Variants in MAP3K10 observed in about 807,000 individuals in gnomAD.
MAP3K10 encodes MKN28 derived nonreceptor_type serine/threonine kinase.
MAP3K10 carries 22 observed loss-of-function variants against 75.0 expected under a neutral mutation model. That is an observed-to-expected ratio of 0.29 (90% CI 0.21 to 0.42). The LOEUF (loss-of-function observed/expected upper bound fraction) is 0.42. Among genes scored for constraint, MAP3K10 ranks in the 10% least tolerant of loss-of-function variants. The pLI is 1.00. For missense variants in MAP3K10, 1,165 were observed against 1,379.8 expected, an observed-to-expected ratio of 0.84 and a Z score of 2.47; for synonymous variants, 599 against 612.9, an observed-to-expected ratio of 0.98 and a Z score of 0.34.
chr19:40,212,712 C>T lies in MAP3K10; in HGVS notation c.1553-93C>T, dbSNP rs144544839. On this transcript the variant is annotated intron_variant, in intron 6 of 9. Transcript: ENST00000253055. The surrounding 1 kb of genome is among the most constrained non-coding windows in gnomAD (Gnocchi z 4.2). ...TCAAAAGAGCCCTTGGACTCCCAGG[C>T]GGAGGGTGGGCCTGAGCTGGGGGCA... 52 of 1,494,944 alleles carry T rather than the reference C, an allele frequency of 3.5e-5. No individual in the cohort carries two copies. The East Asian group carries it at 1.1e-3, about 30-fold the overall frequency. 92.6% of individuals were successfully genotyped at this position (1,494,944 alleles called of 1,614,324 possible).
At chr19:40,206,867 G>A (rs572883743) in intron 5 of MAP3K10, among the ~76,000 whole-genome samples, 9 of 152,268 alleles carry the variant, frequency 5.9e-5, no homozygotes, top group South Asian at 2.1e-4. Context: ...GCCAAAGTGC[G>A]TAGATCACTT....
intron 1 of MAP3K10, among the ~76,000 whole-genome samples, chr19:40,193,645 T>A (rs1972855907): frequency 6.6e-6 from 1 of 152,170 alleles, no homozygotes. Flanking sequence ...GAGTGCTGTG[T>A]GCCAGACCCT....
chr19:40,203,164 A>G (rs1973056494), intron 2 of MAP3K10, among the ~76,000 whole-genome samples: 1 of 151,950 alleles, frequency 6.6e-6, no homozygotes, highest in Non-Finnish European at 1.5e-5. Flanking sequence ...ACATGGTGAA[A>G]CCCCATCTCT....
chr19:40,213,728 G>C lies in MAP3K10; in HGVS notation c.2049G>C (p.Gly683=). 9.3e-7 allele frequency: 1 copy of C among 1,080,982 alleles called. No homozygotes were observed. The highest frequency in any genetic ancestry group is 1.1e-6 in the Non-Finnish European group (1 of 890,374). The allele number at this position is 1,080,982 out of a possible 1,614,324, so 67.0% of individuals were successfully genotyped here. ...LALLGCATLL[G]AVGLGADVAE... is the part of the protein sequence containing the mutation. ...TGCTAGGCTGCGCCACGCTGCTGGG[G>C]GCTGTGGGCCTGGGCGCCGACGTGG... The change falls in exon 9 of 10, where the codon GGG becomes GGC. Residue 683 remains glycine (G), a synonymous_variant. Transcript: ENST00000253055. The surrounding 1 kb of genome is among the most constrained non-coding windows in gnomAD (Gnocchi z 5.7).
intron 5 of MAP3K10, chr19:40,206,431 C>T (rs1051912534): frequency 3.3e-6 from 1 of 304,674 alleles, no homozygotes; most frequent in Non-Finnish European, 6.0e-6. Context: ...TTTTAATTAG[C>T]TGGCCACGTT....
chr19:40,202,473 A>G (rs536793377), intron 2 of MAP3K10, among the ~76,000 whole-genome samples: 1 of 152,188 alleles, frequency 6.6e-6, no homozygotes, highest in African/African-American at 2.4e-5. Flanking sequence ...CTTGCCTGTC[A>G]GGCTGCCCTT....
intron 5 of MAP3K10, among the ~76,000 whole-genome samples, chr19:40,207,750 T>C (rs1973149762): frequency 6.6e-6 from 1 of 152,100 alleles, no homozygotes; most frequent in African/African-American, 2.4e-5. Context: ...AATATATATA[T>C]TTTTTAATTT....
chr19:40,213,760 C>G lies in MAP3K10; in HGVS notation c.2081C>G (p.Ala694Gly). The G allele has an allele frequency of 8.9e-7, 1 of 1,117,608 alleles. No individual in the cohort carries two copies. The highest frequency in any genetic ancestry group is 1.1e-6 in the Non-Finnish European group (1 of 912,786). The allele number at this position is 1,117,608 out of a possible 1,614,324, so 69.2% of individuals were successfully genotyped here. A position where few individuals can be genotyped will look rare whatever the true frequency, so the allele number is the denominator to read the frequency against. Residue 694 changes from alanine (A) to glycine (G), a missense_variant, in exon 9 of 10, where the codon GCG becomes GGG. Physicochemically the swap from Ala to Gly is moderately conservative, Grantham distance 60. Transcript: ENST00000253055. This position sits in a 1 kb window ranked among gnomAD's most constrained non-coding sequence, Gnocchi z 5.7. ...AVGLGADVAEARAADGEEQRR... is the reference protein window; with the variant it reads ...AVGLGADVAEGRAADGEEQRR... Reference sequence around the variant, plus strand: ...GGCCTGGGCGCCGACGTGGCCGAGGCGCGCGCGGCCGACGGTGAGGAGCAG... The same window carrying G: ...GGCCTGGGCGCCGACGTGGCCGAGGGGCGCGCGGCCGACGGTGAGGAGCAG...
chr19:40,195,580 G>A lies in MAP3K10; in HGVS notation c.683-2795G>A, dbSNP rs370350207. On this transcript the variant is annotated intron_variant, in intron 1 of 9. Transcript: ENST00000253055. ...GTGATCACAGCTCACTGAACCTTCC[G>A]CCTCCCGGGTTCAAGTGATCCTTCC... Among the ~76,000 whole-genome samples, 34 of 136,230 alleles carry A rather than the reference G, an allele frequency of 2.5e-4. No homozygotes were observed. In the South Asian group the frequency reaches 4.3e-3, roughly 17 times the overall value. 89.4% of individuals were successfully genotyped at this position (136,230 alleles called of 152,430 possible). A position where few individuals can be genotyped will look rare whatever the true frequency, so the allele number is the denominator to read the frequency against.
Position 40,205,031 on chromosome 19 carries a change from A to T in MAP3K10, c.1013-90A>T. 8.2e-7 allele frequency: 1 copy of T among 1,214,620 alleles called. No homozygotes were observed. The allele number at this position is 1,214,620 out of a possible 1,614,324, so 75.2% of individuals were successfully genotyped here. On this transcript the variant is annotated intron_variant, in intron 3 of 9. Coordinates refer to ENST00000253055, the MANE Select transcript of MAP3K10 (RefSeq NM_002446.4). This position sits in a 1 kb window ranked among gnomAD's most constrained non-coding sequence, Gnocchi z 4.3. ...AGCTGTTTGTCTGCCATCCCCAGAA[A>T]TTCTGCCTTCCTCTGAGCAGGCTGA...
rs982093185 is a variant in MAP3K10 at position 40,215,412 on chromosome 19, G to A, written c.*120G>A. 2.7e-5 allele frequency: 25 copies of A among 912,278 alleles called. No homozygotes were observed. The highest frequency in any genetic ancestry group is 5.3e-5 in the East Asian group (2 of 37,456). 56.5% of individuals were successfully genotyped at this position (912,278 alleles called of 1,614,324 possible). ...CAGGATGTTCACTCTATTTATTGGGGAAGGAGGGAGGGGGGGGACACTTAA... is the reference window on the plus strand; with the variant it reads ...CAGGATGTTCACTCTATTTATTGGGAAAGGAGGGAGGGGGGGGACACTTAA... On this transcript the variant is annotated 3_prime_UTR_variant, in exon 10 of 10. Transcript: ENST00000253055.
chr19:40,211,193 TTGTTAACC>T (rs2145094989), intron 6 of MAP3K10, among the ~76,000 whole-genome samples: 1 of 152,206 alleles, frequency 6.6e-6, no homozygotes, highest in African/African-American at 2.4e-5. Context: ...CATGGGCTGC[TTGTTAACC>T]TGTTTGGCTG....
In MAP3K10 at chr19:40,205,240, G is replaced by A; in HGVS notation, c.1132G>A (p.Glu378Lys). 1 of 1,614,136 alleles carries A rather than the reference G, an allele frequency of 6.2e-7. No individual in the cohort carries two copies. Among genetic ancestry groups the A allele is most frequent in the Non-Finnish European group, 8.5e-7 (1 of 1,180,032 alleles). The change falls in exon 4 of 10, where the codon GAA becomes AAA. Residue 378 changes from glutamate to lysine, a missense_variant. This residue lies in a region of MAP3K10 where 575 missense variants were observed against 793.2 expected (regional missense o/e 0.72). Transcript: ENST00000253055. This position sits in a 1 kb window ranked among gnomAD's most constrained non-coding sequence, Gnocchi z 4.3. ...MPLESFHSLQ[E>K]DWKLEIQHMF... is the part of the protein sequence containing the mutation. ...ACTGGAGTCCTTCCACTCGCTGCAGGAAGACTGGAAGCTGGAGATTCAGCA... is the reference window on the plus strand; with the variant it reads ...ACTGGAGTCCTTCCACTCGCTGCAGAAAGACTGGAAGCTGGAGATTCAGCA...
intron 2 of MAP3K10, among the ~76,000 whole-genome samples, chr19:40,201,592 A>G (rs1973022657): frequency 6.6e-6 from 1 of 150,484 alleles, no homozygotes; most frequent in African/African-American, 2.4e-5. Flanking sequence ...TCCTGGGCTC[A>G]AGTGATCCTC....
chr19:40,213,552 G>A lies in MAP3K10; in HGVS notation c.1873G>A (p.Val625Met), dbSNP rs1351183568. 5 of 1,611,650 alleles carry A rather than the reference G, an allele frequency of 3.1e-6. No homozygotes were observed. Among genetic ancestry groups the A allele is most frequent in the South Asian group, 2.2e-5 (2 of 90,996 alleles). Residue 625 changes from valine to methionine, a missense_variant, in exon 9 of 10, where the codon GTG becomes ATG. By Grantham distance (21) the Val-to-Met change is conservative. Around this residue, in one of 2 missense-constraint regions of MAP3K10, gnomAD observed 590 missense variants for 586.6 expected, o/e 1.01. Transcript: ENST00000253055. This position sits in a 1 kb window ranked among gnomAD's most constrained non-coding sequence, Gnocchi z 5.7. ...FAEAEDGGSS[V>M]PPSPYSTPSY... The stretch of plus-strand genomic sequence containing the variant: ...GGAGGCAGAGGATGGAGGCAGCAGC[G>A]TGCCCCCTTCCCCCTACTCGACCCC...
chr19:40,194,377 G>A (rs947436933), intron 1 of MAP3K10, among the ~76,000 whole-genome samples: 7 of 151,894 alleles, frequency 4.6e-5, no homozygotes, highest in African/African-American at 1.5e-4. Context: ...AAGCTAACAT[G>A]TGACCACGAT....
rs374398619 is a variant in MAP3K10, at chr19:40,192,193, C to G, written c.162C>G (p.Gly54=). The change falls in exon 1 of 10, where the codon GGC becomes GGG. Residue 54 remains glycine (G), a synonymous_variant. Transcript: ENST00000253055. The surrounding 1 kb of genome is among the most constrained non-coding windows in gnomAD (Gnocchi z 7.1). ...TTTCCCAAGACTGTGCGGTGTCCGG[C>G]GACGAGGGCTGGTGGACCGGGCAGC... ...QVLSQDCAVS[G]DEGWWTGQLP... 6.2e-7 allele frequency: 1 copy of G among 1,608,728 alleles called. No individual in the cohort carries two copies. Among genetic ancestry groups the G allele is most frequent in the Non-Finnish European group, 8.5e-7 (1 of 1,178,672 alleles).
rs1245571853 is a variant in MAP3K10, at chr19:40,205,891, C to G, written c.1189-20C>G. 6.6e-7 allele frequency: 1 copy of G among 1,511,312 alleles called. No homozygotes were observed. The highest frequency in any genetic ancestry group is 2.4e-5 in the East Asian group (1 of 41,348). The allele number at this position is 1,511,312 out of a possible 1,614,324, so 93.6% of individuals were successfully genotyped here. On this transcript the variant is annotated intron_variant, in intron 4 of 9. Coordinates refer to ENST00000253055, the MANE Select transcript of MAP3K10 (RefSeq NM_002446.4). The surrounding 1 kb of genome is among the most constrained non-coding windows in gnomAD (Gnocchi z 4.3). ...AGAGCAGCTAAGCCCCTCCCCCCAG[C>G]CACCGCCTCTCCTTCCCAGGAGCTT... is the stretch of plus-strand genomic sequence containing the variant.
Position 40,198,894 on chromosome 19 carries a change from C to A in MAP3K10, c.863+339C>A, listed in dbSNP as rs1972966675. ...ACCAGCCTGACCAACATGGTGAAAC[C>A]CCATCTCTACTAAAAATACTAAAAT... On this transcript the variant is annotated intron_variant, in intron 2 of 9. Transcript: ENST00000253055. The surrounding 1 kb of genome is among the most constrained non-coding windows in gnomAD (Gnocchi z 4.3). Among the ~76,000 whole-genome samples, 1 of 152,172 alleles carries A rather than the reference C, an allele frequency of 6.6e-6. No homozygotes were observed. The highest frequency in any genetic ancestry group is 1.5e-5 in the Non-Finnish European group (1 of 68,040).
Sources: allele counts gnomAD v4.1 joint callset (sites outside exome capture counted in the v4.1 genomes callset), GRCh38; gene constraint gnomAD v4.1.1; regional missense constraint gnomAD v4.1.1; non-coding constraint Gnocchi (gnomAD v3.1); transcripts MANE v1.5; gene names NCBI Gene and HGNC (gene_info 2026-07-23, HGNC 2026-07-21).